Variants in CPEB3 observed in about 807,000 individuals in gnomAD.
The protein encoded by CPEB3 is cytoplasmic polyadenylation element-binding protein 3.
In CPEB3, 20 loss-of-function variants were observed where a neutral mutation model predicts 67.2. That is an observed-to-expected ratio of 0.30 (90% CI 0.21 to 0.43). CPEB3 has a LOEUF of 0.43. Ranked by LOEUF, CPEB3 falls within the 20% of genes least tolerant of loss-of-function variation. The probability of loss-of-function intolerance (pLI) is 1.00; values close to 1 mark genes in which losing one functional copy is unlikely to be tolerated. For missense variants in CPEB3, 746 were observed against 968.6 expected (o/e 0.77, Z 3.05); for synonymous variants, 376 against 393.1 (o/e 0.96, Z 0.51).
chr10:92,289,551 A>G (rs550731793), intron 1 of CPEB3, among the ~76,000 whole-genome samples: 2 of 151,454 alleles, frequency 1.3e-5, no homozygotes, highest in African/African-American at 4.9e-5. Context: ...CTCAAAATCA[A>G]TGAATTAATT....
intron 1 of CPEB3, among the ~76,000 whole-genome samples, chr10:92,289,732 A>AAAAAAAATATATAT: frequency 5.3e-5 from 4 of 75,768 alleles, no homozygotes; most frequent in African/African-American, 1.5e-4. Flanking sequence ...AAAAAAAAAA[A>AAAAAAAATATATAT]ATATATATAT....
At chr10:92,058,774 CTT>C (rs909442350) in intron 9 of CPEB3, among the ~76,000 whole-genome samples, 16 of 151,332 alleles carry the variant, frequency 1.1e-4, no homozygotes, top group African/African-American at 3.9e-4. Context: ...AAAGAAACAT[CTT>C]TATTGATGAA....
intron 4 of CPEB3, among the ~76,000 whole-genome samples, chr10:92,159,341 G>T (rs757602224): frequency 5.1e-4 from 77 of 151,856 alleles, no homozygotes; most frequent in Admixed American, 8.5e-4. Context: ...AGATAATTTG[G>T]AGTTACATTT....
At chr10:92,052,849 A>G (rs1445214374) in intron 9 of CPEB3, among the ~76,000 whole-genome samples, 1 of 152,234 alleles carries the variant, frequency 6.6e-6, no homozygotes, top group Non-Finnish European at 1.5e-5. Flanking sequence ...AGCATCTGAC[A>G]ATGCAGGCAA....
At chr10:92,226,707 G>T (rs1850991960) in intron 2 of CPEB3, among the ~76,000 whole-genome samples, 1 of 152,144 alleles carries the variant, frequency 6.6e-6, no homozygotes, top group African/African-American at 2.4e-5. Flanking sequence ...AGCATAAGAG[G>T]AATTAGGGAA....
intron 2 of CPEB3, among the ~76,000 whole-genome samples, chr10:92,224,541 C>T (rs975028067): frequency 5.9e-5 from 9 of 151,884 alleles, no homozygotes; most frequent in African/African-American, 1.9e-4. Context: ...CTTGCCTGTA[C>T]ACAACCTAGT....
intron 2 of CPEB3, among the ~76,000 whole-genome samples, chr10:92,228,916 G>A (rs1454850743): frequency 6.6e-6 from 1 of 151,808 alleles, no homozygotes; most frequent in Non-Finnish European, 1.5e-5. Context: ...GTTTCATCAT[G>A]TTGGTCAGGC....
intron 4 of CPEB3, among the ~76,000 whole-genome samples, chr10:92,158,476 G>A (rs977163716): frequency 6.6e-6 from 1 of 151,950 alleles, no homozygotes; most frequent in Non-Finnish European, 1.5e-5. Context: ...TGTACCATGC[G>A]GTGGTCACTC....
At position 92,239,299 on chromosome 10, in the gene CPEB3, AG is replaced by A; in HGVS notation, c.1005+46del. 1 of 1,567,134 alleles carries A rather than the reference AG, an allele frequency of 6.4e-7. No homozygotes were observed. The highest frequency in any genetic ancestry group is 8.7e-7 in the Non-Finnish European group (1 of 1,153,448). ...GATTAAAAGTCAGAGAAGTGGCAAA[AG>A]GAGCGGGGCAGAGGGAAGGAGTGTG... On this transcript the variant is annotated intron_variant, in intron 2 of 9. Coordinates refer to ENST00000265997, the MANE Select transcript of CPEB3 (RefSeq NM_014912.5). This position sits in a 1 kb window ranked among gnomAD's most constrained non-coding sequence, Gnocchi z 6.0.
intron 1 of CPEB3, among the ~76,000 whole-genome samples, chr10:92,289,732 A>AAAAAAAAAAAAAAAAAAAAAAT: frequency 3.2e-4 from 24 of 75,760 alleles, no homozygotes; most frequent in Non-Finnish European, 4.6e-4. Context: ...AAAAAAAAAA[A>AAAAAAAAAAAAAAAAAAAAAAT]ATATATATAT....
intron 1 of CPEB3, among the ~76,000 whole-genome samples, chr10:92,247,336 G>C (rs1248520022): frequency 1.3e-5 from 2 of 152,106 alleles, no homozygotes; most frequent in African/African-American, 4.8e-5. Flanking sequence ...TCCTGCCTCA[G>C]CATCTTGAGT....
chr10:92,289,718 C>CA (rs749285662), intron 1 of CPEB3, among the ~76,000 whole-genome samples: 637 of 30,938 alleles, frequency 0.021, 53 homozygotes, highest in South Asian at 0.036. Flanking sequence ...GCGTCTCTAC[C>CA]AAAAAAAAAA....
At chr10:92,265,785 GTTTTC>G in intron 1 of CPEB3, among the ~76,000 whole-genome samples, 1 of 148,764 alleles carries the variant, frequency 6.7e-6, no homozygotes, top group South Asian at 2.2e-4. Context: ...GATGAAAAAA[GTTTTC>G]TTTTTTTTTT....
chr10:92,250,858 A>ATTTTTTTTTTTT (rs1211646953), intron 1 of CPEB3, among the ~76,000 whole-genome samples: 16 of 104,116 alleles, frequency 1.5e-4, no homozygotes, highest in Middle Eastern at 7.0e-3. Flanking sequence ...CACACAGTTA[A>ATTTTTTTTTTTT]TTTTTTTTTT....
intron 4 of CPEB3, among the ~76,000 whole-genome samples, chr10:92,159,250 A>C (rs549468490): frequency 6.7e-6 from 1 of 148,554 alleles, no homozygotes; most frequent in South Asian, 2.2e-4. Flanking sequence ...GCGACAGAGC[A>C]AGACTCTGTC....
At chr10:92,210,515 A>G (rs761442613) in intron 2 of CPEB3, among the ~76,000 whole-genome samples, 3 of 152,250 alleles carry the variant, frequency 2.0e-5, no homozygotes, top group Non-Finnish European at 4.4e-5. Context: ...GCAGGATAGG[A>G]AAGTTGCTGG....
chr10:92,229,939 G>A (rs185544253), intron 2 of CPEB3, among the ~76,000 whole-genome samples: 4 of 152,242 alleles, frequency 2.6e-5, no homozygotes, highest in Non-Finnish European at 4.4e-5. Flanking sequence ...CCAGCTACTT[G>A]GGAGGCTGAG....
intron 7 of CPEB3, among the ~76,000 whole-genome samples, chr10:92,095,634 G>GTA (rs1489473826): frequency 2.2e-5 from 3 of 138,606 alleles, no homozygotes; most frequent in African/African-American, 5.5e-5. Context: ...TATATATTGC[G>GTA]TATATATATA....
chr10:92,242,948 A>C (rs1263712067), intron 1 of CPEB3, among the ~76,000 whole-genome samples: 1 of 152,194 alleles, frequency 6.6e-6, no homozygotes, highest in Non-Finnish European at 1.5e-5. Context: ...AAAATTTGCA[A>C]AGGTAGTATT....
Sources: allele counts gnomAD v4.1 joint callset (sites outside exome capture counted in the v4.1 genomes callset), GRCh38; gene constraint gnomAD v4.1.1; non-coding constraint Gnocchi (gnomAD v3.1); transcripts MANE v1.5; gene names NCBI Gene and HGNC (gene_info 2026-07-23, HGNC 2026-07-21).